DGKI: variants seen among roughly 807,000 people sequenced by gnomAD.
DGKI encodes DAG kinase iota.
In DGKI, 55 loss-of-function variants were observed where a neutral mutation model predicts 147.5. The ratio of observed to expected loss-of-function variants is 0.37; its 90% CI spans 0.30 to 0.47. DGKI has a LOEUF of 0.47. DGKI is among the 20% of genes least tolerant of loss of function. The probability of loss-of-function intolerance (pLI) is 1.00; values close to 1 mark genes in which losing one functional copy is unlikely to be tolerated. For synonymous variants in DGKI, 469 were observed against 477.1 expected (o/e 0.98, Z 0.22); for missense variants, 1,007 against 1,323.8 (o/e 0.76, Z 3.71).
At chr7:137,427,116 C>A (rs982090605) in intron 28 of DGKI, among the ~76,000 whole-genome samples, 2 of 151,982 alleles carry the variant, frequency 1.3e-5, no homozygotes, top group African/African-American at 2.4e-5. Flanking sequence ...AGCACCACCC[C>A]ACACCTATTC....
chr7:137,551,510 T>C (rs929869696), intron 20 of DGKI, among the ~76,000 whole-genome samples: 4 of 152,130 alleles, frequency 2.6e-5, no homozygotes, highest in African/African-American at 9.7e-5. Context: ...CTCACTGTGA[T>C]AGAGAATGAC....
intron 28 of DGKI, among the ~76,000 whole-genome samples, chr7:137,422,074 C>A (rs1299870759): frequency 1.3e-5 from 2 of 152,196 alleles, no homozygotes; most frequent in East Asian, 3.8e-4. Context: ...GTTTATGAGT[C>A]AACTCAGAGC....
chr7:137,584,704 A>ATT (rs928962897), intron 14 of DGKI, among the ~76,000 whole-genome samples: 1 of 151,786 alleles, frequency 6.6e-6, no homozygotes, highest in South Asian at 2.1e-4. Context: ...ATAAAAGTCA[A>ATT]TTTTTTTTTA....
intron 27 of DGKI, among the ~76,000 whole-genome samples, chr7:137,456,838 G>A (rs1327211746): frequency 6.6e-6 from 1 of 152,074 alleles, no homozygotes; most frequent in Non-Finnish European, 1.5e-5. Context: ...TGGTACACAG[G>A]GAACTCTGTT....
chr7:137,419,807 T>G (rs10253968), intron 28 of DGKI, among the ~76,000 whole-genome samples: 4 of 152,040 alleles, frequency 2.6e-5, no homozygotes, highest in Admixed American at 1.3e-4. Flanking sequence ...TAAAAAGACA[T>G]GTGACAAATT....
rs547224942 is a variant in DGKI at position 137,397,260 on chromosome 7, T to C, written c.2957+117A>G. Reference sequence around the variant, plus strand: ...GCACATTTATGAACAAAGTTGAAAGTGGACTTTGAATTAATTAAGTTAAAA... The same window carrying C: ...GCACATTTATGAACAAAGTTGAAAGCGGACTTTGAATTAATTAAGTTAAAA... On this transcript the variant is annotated intron_variant, in intron 31 of 32. Coordinates refer to ENST00000614521, the MANE Select transcript of DGKI (RefSeq NM_001321708.2). 2.4e-5 allele frequency: 23 copies of C among 948,810 alleles called. No homozygotes were observed. In the South Asian group the frequency reaches 3.1e-4, roughly 13 times the overall value. 58.8% of individuals were successfully genotyped at this position (948,810 alleles called of 1,614,324 possible).
intron 1 of DGKI, among the ~76,000 whole-genome samples, chr7:137,845,802 A>C (rs1798697125): frequency 1.3e-5 from 2 of 152,132 alleles, no homozygotes; most frequent in Non-Finnish European, 2.9e-5. Context: ...CGGGCTCCCC[A>C]CACCCTCCTC....
intron 1 of DGKI, among the ~76,000 whole-genome samples, chr7:137,763,524 C>T (rs1308372856): frequency 6.6e-6 from 1 of 152,342 alleles, no homozygotes; most frequent in East Asian, 1.9e-4. Flanking sequence ...TGTTTCATAA[C>T]CTGTTCAAGA....
At chr7:137,756,277 G>A (rs988059665) in intron 1 of DGKI, among the ~76,000 whole-genome samples, 1 of 152,110 alleles carries the variant, frequency 6.6e-6, no homozygotes, top group Non-Finnish European at 1.5e-5. Context: ...GACCTCACAG[G>A]TTCCTTGTTA....
chr7:137,571,978 A>G (rs531088242), intron 18 of DGKI, among the ~76,000 whole-genome samples: 4 of 152,204 alleles, frequency 2.6e-5, no homozygotes, highest in African/African-American at 4.8e-5. Context: ...AGCTGTAAAT[A>G]TTTCTGGAAT....
chr7:137,637,603 G>A (rs934045667), intron 6 of DGKI, among the ~76,000 whole-genome samples: 28 of 152,206 alleles, frequency 1.8e-4, no homozygotes, highest in African/African-American at 6.0e-4. Context: ...AACTGTGGAT[G>A]TACTTTTGGA....
chr7:137,446,998 T>C (rs1227850312), intron 27 of DGKI, among the ~76,000 whole-genome samples: 1 of 152,244 alleles, frequency 6.6e-6, no homozygotes, highest in Non-Finnish European at 1.5e-5. Flanking sequence ...GCCCTTATAG[T>C]GTAAACTATT....
intron 8 of DGKI, among the ~76,000 whole-genome samples, chr7:137,613,274 G>C (rs544868971): frequency 6.6e-6 from 1 of 152,234 alleles, no homozygotes; most frequent in African/African-American, 2.4e-5. Context: ...CAGTAGGAGA[G>C]AGAGTAATGG....
At position 137,568,921 on chromosome 7, in the gene DGKI, A is replaced by G. The variant is rs943634713; in HGVS notation, c.1947+2254T>C. Among the ~76,000 whole-genome samples the G allele has an allele frequency of 1.9e-4, 24 of 126,534 alleles. No individual in the cohort carries two copies. The South Asian group carries it at 2.3e-3, about 12-fold the overall frequency. 83.0% of individuals were successfully genotyped at this position (126,534 alleles called of 152,430 possible). A position where few individuals can be genotyped will look rare whatever the true frequency, so the allele number is the denominator to read the frequency against. ...ATTATACTAATTATACAATTGTTAGAAAAAAAAAACACCCATACCAGAAAA... is the reference window on the plus strand; with the variant it reads ...ATTATACTAATTATACAATTGTTAGGAAAAAAAAACACCCATACCAGAAAA... On this transcript the variant is annotated intron_variant, in intron 19 of 32. Transcript: ENST00000614521.
At chr7:137,458,847 T>C (rs1162087324) in intron 27 of DGKI, among the ~76,000 whole-genome samples, 1 of 152,174 alleles carries the variant, frequency 6.6e-6, no homozygotes, top group Non-Finnish European at 1.5e-5. Context: ...TCCAGAATCA[T>C]GTCATTTTAA....
chr7:137,741,219 C>A (rs1372677961), intron 1 of DGKI, among the ~76,000 whole-genome samples: 1 of 152,190 alleles, frequency 6.6e-6, no homozygotes, highest in African/African-American at 2.4e-5. Flanking sequence ...GAAACATCTT[C>A]TTGATTTTAA....
In DGKI at chr7:137,464,523, G is replaced by T. The variant is rs113342381; in HGVS notation, c.2613-912C>A. Among the ~76,000 whole-genome samples the T allele has an allele frequency of 6.2e-4, 95 of 152,218 alleles. 1 individual carries two copies. Among genetic ancestry groups the T allele is most frequent in the African/African-American group, 1.5e-3 (62 of 41,548 alleles). ...CCCCACCACCTTTGGGGCTCCCAGG[G>T]GTGCATCAGGTTACCCCTTGTGCCT... On this transcript the variant is annotated intron_variant, in intron 26 of 32. Coordinates refer to ENST00000614521, the MANE Select transcript of DGKI (RefSeq NM_001321708.2).
intron 7 of DGKI, among the ~76,000 whole-genome samples, chr7:137,621,371 C>A (rs1489515859): frequency 6.6e-6 from 1 of 152,096 alleles, no homozygotes; most frequent in Non-Finnish European, 1.5e-5. Context: ...TCAATGAATA[C>A]TTAAGTAATC....
chr7:137,786,100 C>T (rs1375877448), intron 1 of DGKI, among the ~76,000 whole-genome samples: 4 of 151,996 alleles, frequency 2.6e-5, no homozygotes, highest in African/African-American at 7.2e-5. Context: ...GTATTAAACA[C>T]AGTACTAGAA....
Sources: allele counts gnomAD v4.1 joint callset (sites outside exome capture counted in the v4.1 genomes callset), GRCh38; gene constraint gnomAD v4.1.1; transcripts MANE v1.5; gene names NCBI Gene and HGNC (gene_info 2026-07-23, HGNC 2026-07-21).